POLE: variants seen among roughly 807,000 people sequenced by gnomAD.
The protein encoded by POLE is DNA polymerase epsilon, catalytic subunit.
POLE carries 188 observed loss-of-function variants against 279.2 expected under a neutral mutation model. The observed-to-expected ratio is 0.67, with a 90% confidence interval of 0.60 to 0.76. The LOEUF (loss-of-function observed/expected upper bound fraction) is 0.76, where lower values mean the gene tolerates loss of function less well. Ranked by LOEUF, POLE falls within the 30% of genes least tolerant of loss-of-function variation. POLE has a pLI of 0.00. For synonymous variants in POLE, 1,214 were observed against 1,172.5 expected (o/e 1.04, Z -0.72); for missense variants, 2,703 against 3,016.7 (o/e 0.90, Z 2.44).
At chr12:132,650,000 C>T (rs894649827) in intron 29 of POLE, 111 bp from the exon 30 acceptor site, 3 of 903,724 alleles carry the variant, frequency 3.3e-6, no homozygotes, top group Non-Finnish European at 5.1e-6. Flanking sequence ...TGCTTGGGGC[C>T]AGGAGTTTGA....
intron 39 of POLE, 175 bp downstream of exon 39, chr12:132,641,472 C>T: frequency 4.8e-6 from 3 of 619,588 alleles, no homozygotes; most frequent in African/African-American, 3.7e-5. Context: ...CAGGCCGGAC[C>T]CCCACAGTGG....
At chr12:132,687,222 C>A in intron 1 of POLE, 32 bp downstream of exon 1, 1 of 1,426,146 alleles carries the variant, frequency 7.0e-7, no homozygotes, top group East Asian at 3.0e-5. Context: ...TCCGGAGGGC[C>A]GGCCCGAGAG....
At chr12:132,625,527 G>A (rs2041818196) in intron 47 of POLE, 118 bp downstream of exon 47, 1 of 1,304,950 alleles carries the variant, frequency 7.7e-7, no homozygotes. Flanking sequence ...TGCAGGGCAG[G>A]CCCCTTGGAA....
At chr12:132,662,469 A>T (rs547830625) in intron 23 of POLE, among the ~76,000 whole-genome samples, 1 of 152,200 alleles carries the variant, frequency 6.6e-6, no homozygotes, top group Non-Finnish European at 1.5e-5. Flanking sequence ...GGGCAGACTC[A>T]TGTGTTTAAA....
chr12:132,656,357 AC>A (rs2042538285), intron 29 of POLE, among the ~76,000 whole-genome samples: 1 of 150,484 alleles, frequency 6.6e-6, no homozygotes. Context: ...CCATCTCAGA[AC>A]CTTTTTCTTT....
At chr12:132,680,487 G>A (rs866027347) in intron 3 of POLE, 120 bp downstream of exon 3, 27 of 798,742 alleles carry the variant, frequency 3.4e-5, no homozygotes, top group African/African-American at 1.5e-4. Flanking sequence ...CCAGGGGCCC[G>A]AGTTCTGCTG....
At chr12:132,629,888 T>C (rs1000918161) in intron 45 of POLE, among the ~76,000 whole-genome samples, 2 of 152,234 alleles carry the variant, frequency 1.3e-5, no homozygotes, top group African/African-American at 4.8e-5. Flanking sequence ...TAGCTCTTTA[T>C]GTAAAGTGAG....
At chr12:132,663,965 G>C (rs2042732891) in intron 23 of POLE, 39 bp downstream of exon 23, 2 of 1,611,890 alleles carry the variant, frequency 1.2e-6, no homozygotes, top group African/African-American at 2.7e-5. Context: ...ACTGACGCCA[G>C]GCCAGCCAGA....
chr12:132,677,612 T>C lies in POLE; in HGVS notation c.686A>G (p.His229Arg), dbSNP rs1482513360. 1.2e-6 allele frequency: 2 copies of C among 1,614,198 alleles called. No homozygotes were observed. Among genetic ancestry groups the C allele is most frequent in the Non-Finnish European group, 1.7e-6 (2 of 1,180,038 alleles). Residue 229 changes from histidine (H) to arginine (R), a missense_variant, in exon 7 of 49, where the codon CAC becomes CGC. By Grantham distance (29) the His-to-Arg change is conservative. Around this residue, in one of 5 missense-constraint regions of POLE, gnomAD observed 1,011 missense variants for 1,111.7 expected, o/e 0.91. Coordinates refer to ENST00000320574, the MANE Select transcript of POLE (RefSeq NM_006231.4). ...CTTCAGGTCAATGGAGAGGCGGATG[T>C]GGTAGGGAACATCGTACTCGCGCAT... ...VDMREYDVPYHIRLSIDLKIH... is the reference protein window; with the variant it reads ...VDMREYDVPYRIRLSIDLKIH...
intron 45 of POLE, among the ~76,000 whole-genome samples, chr12:132,628,629 C>T (rs1040633328): frequency 1.3e-5 from 2 of 152,052 alleles, no homozygotes; most frequent in African/African-American, 4.8e-5. Flanking sequence ...GGCGACAGAG[C>T]AAGGAGGCTC....
Position 132,665,561 on chromosome 12 carries a change from C to G in POLE, c.2320-111G>C, listed in dbSNP as rs188355245. 3.9e-3 allele frequency: 4,842 copies of G among 1,239,402 alleles called. 119 individuals are homozygous for G. The African/African-American group carries it at 0.057, about 15-fold the overall frequency. 76.8% of individuals were successfully genotyped at this position (1,239,402 alleles called of 1,614,324 possible). On this transcript the variant is annotated intron_variant, in intron 20 of 48. Transcript: ENST00000320574. ...GAAAATTTTCAAATCTATAGAAAAC[C>G]TAAAAAACCAGTACAATGAAGAGTG...
At chr12:132,663,977 C>G in intron 23 of POLE, 27 bp downstream of exon 23, 2 of 1,613,080 alleles carry the variant, frequency 1.2e-6, no homozygotes, top group Non-Finnish European at 1.7e-6. Context: ...CCAGCCAGAG[C>G]TTCAGGACCA....
intron 32 of POLE, among the ~76,000 whole-genome samples, chr12:132,645,470 C>A (rs926026475): frequency 6.6e-6 from 1 of 152,204 alleles, no homozygotes; most frequent in Non-Finnish European, 1.5e-5. Context: ...TCACTACGAG[C>A]TGCACTTGCA....
chr12:132,648,817 G>T (rs2042346017), intron 32 of POLE, 112 bp downstream of exon 32: 1 of 1,176,992 alleles, frequency 8.5e-7, no homozygotes, highest in Non-Finnish European at 1.2e-6. Context: ...GGAATTCCTA[G>T]AACATCCCCA....
At position 132,639,352 on chromosome 12, in the gene POLE, CACGCGGG is replaced by C; in HGVS notation, c.5379-61_5379-55del. The C allele has an allele frequency of 6.5e-7, 1 of 1,545,994 alleles. No individual in the cohort carries two copies. The highest frequency in any genetic ancestry group is 8.9e-7 in the Non-Finnish European group (1 of 1,126,612). On this transcript the variant is annotated intron_variant, in intron 39 of 48. Transcript: ENST00000320574. This position sits in a 1 kb window ranked among gnomAD's most constrained non-coding sequence, Gnocchi z 4.7. ...TACCCTCAGCCTCCCACGCTGCTGC[CACGCGGG>C]ACGCTCCAACTGAAATGGGCACAGG...
rs761765763 is a variant in POLE, at chr12:132,673,241, T to C, written c.1396A>G (p.Thr466Ala). 4 of 1,613,430 alleles carry C rather than the reference T, an allele frequency of 2.5e-6. No individual in the cohort carries two copies. The East Asian group carries it at 6.7e-5, about 27-fold the overall frequency. ...ATYSVSDAVA[T>A]YYLYMKYVHP... ...ACGTACTTCATGTACAGGTAGTAAG[T>C]GGCGACAGCATCTGACACAGAATAC... Residue 466 changes from threonine (T) to alanine (A), a missense_variant, in exon 14 of 49, where the codon ACT becomes GCT. Thr to Ala is a moderately conservative substitution (Grantham distance 58). Around this residue, in one of 5 missense-constraint regions of POLE, gnomAD observed 1,011 missense variants for 1,111.7 expected, o/e 0.91. Coordinates refer to ENST00000320574, the MANE Select transcript of POLE (RefSeq NM_006231.4).
At chr12:132,654,053 T>C (rs546956498) in intron 29 of POLE, among the ~76,000 whole-genome samples, 5 of 152,238 alleles carry the variant, frequency 3.3e-5, no homozygotes, top group Admixed American at 3.3e-4. Context: ...TTATTGTTCA[T>C]GTATGTTGAT....
rs892488686 is a variant in POLE at position 132,661,305 on chromosome 12, T to C, written c.2865-141A>G. The C allele has an allele frequency of 5.2e-6, 5 of 961,546 alleles. No homozygotes were observed. The highest frequency in any genetic ancestry group is 4.9e-5 in the African/African-American group (3 of 60,916). The allele number at this position is 961,546 out of a possible 1,614,324, so 59.6% of individuals were successfully genotyped here. ...CGAGGCAGCAAACGTCTCTCTCCCTTAGGCCACTGCTTCTCTAAAAGGAAA... is the reference window on the plus strand; with the variant it reads ...CGAGGCAGCAAACGTCTCTCTCCCTCAGGCCACTGCTTCTCTAAAAGGAAA... On this transcript the variant is annotated intron_variant, in intron 24 of 48. Coordinates refer to ENST00000320574, the MANE Select transcript of POLE (RefSeq NM_006231.4). This position sits in a 1 kb window ranked among gnomAD's most constrained non-coding sequence, Gnocchi z 4.1.
At chr12:132,631,994 T>A (rs1321200596) in intron 45 of POLE, among the ~76,000 whole-genome samples, 1 of 152,192 alleles carries the variant, frequency 6.6e-6, no homozygotes, top group Non-Finnish European at 1.5e-5. Context: ...TGAGCACAGA[T>A]GCCGCAACTG....
Sources: gnomAD v4.1 joint callset for allele counts (sites outside exome capture counted in the v4.1 genomes callset) on GRCh38, gnomAD v4.1.1 for gene constraint, gnomAD v4.1.1 regional missense constraint, Gnocchi (gnomAD v3.1) non-coding constraint, MANE v1.5 for transcripts, NCBI Gene and HGNC (gene_info 2026-07-23, HGNC 2026-07-21) for gene names.